The following RHOJ variants were observed in gnomAD, a reference collection of about 807,000 sequenced individuals.
The protein encoded by RHOJ is rho-related GTP-binding protein RhoJ.
Under a neutral mutation model 23.4 loss-of-function variants are expected in RHOJ, and 11 were observed. The observed-to-expected ratio is 0.47, with a 90% confidence interval of 0.30 to 0.78. RHOJ has a LOEUF of 0.78. Ranked by LOEUF, RHOJ falls within the 30% of genes least tolerant of loss-of-function variation. The probability of loss-of-function intolerance (pLI) is 0.08; values close to 1 mark genes in which losing one functional copy is unlikely to be tolerated. For missense variants in RHOJ, 254 were observed against 273.4 expected (o/e 0.93, Z 0.50); for synonymous variants, 102 against 102.7 (o/e 0.99, Z 0.04).
intron 1 of RHOJ, among the ~76,000 whole-genome samples, chr14:63,228,432 G>C (rs1290533243): frequency 6.6e-6 from 1 of 152,128 alleles, no homozygotes; most frequent in African/African-American, 2.4e-5. Flanking sequence ...CAAACAACTG[G>C]AAATAATCCA....
chr14:63,215,298 A>G (rs1244561242), intron 1 of RHOJ, among the ~76,000 whole-genome samples: 1 of 152,186 alleles, frequency 6.6e-6, no homozygotes, highest in Non-Finnish European at 1.5e-5. Flanking sequence ...TTATCTGGAC[A>G]GCCAGTTTAC....
chr14:63,236,615 C>T lies in RHOJ; in HGVS notation c.178+31568C>T, dbSNP rs866742860. Among the ~76,000 whole-genome samples, 22 of 152,270 alleles carry T rather than the reference C, an allele frequency of 1.4e-4. No individual in the cohort carries two copies. The South Asian group carries it at 2.1e-3, about 14-fold the overall frequency. ...CTCCCACTGGGTCCCTCCCACAACA[C>T]GTGGAAATTCAAAATGAGATTTAGG... On this transcript the variant is annotated intron_variant, in intron 1 of 4. Transcript: ENST00000316754.
intron 1 of RHOJ, among the ~76,000 whole-genome samples, chr14:63,250,500 A>G (rs1437353283): frequency 6.6e-6 from 1 of 152,050 alleles, no homozygotes; most frequent in Non-Finnish European, 1.5e-5. Flanking sequence ...TGGCCTCCCC[A>G]AAGTGCTGGG....
chr14:63,262,831 G>T (rs1372483836), intron 1 of RHOJ, among the ~76,000 whole-genome samples: 2 of 152,170 alleles, frequency 1.3e-5, no homozygotes. Flanking sequence ...TGCCCTCAAG[G>T]ATCTTCCTGT....
intron 2 of RHOJ, among the ~76,000 whole-genome samples, chr14:63,272,026 G>A (rs1265370577): frequency 6.6e-6 from 1 of 152,202 alleles, no homozygotes. Context: ...AGAATCTCAA[G>A]GTCTATCCCC....
At chr14:63,237,272 G>A (rs539502473) in intron 1 of RHOJ, among the ~76,000 whole-genome samples, 2 of 151,962 alleles carry the variant, frequency 1.3e-5, no homozygotes, top group African/African-American at 4.8e-5. Flanking sequence ...GCTTGGACCC[G>A]TATGAAATAA....
Position 63,290,884 on chromosome 14 carries a change from G to A in RHOJ, c.505G>A (p.Ala169Thr). The change falls in exon 5 of 5, where the codon GCA becomes ACA. Residue 169 changes from alanine to threonine, a missense_variant. Transcript: ENST00000316754. ...HGVKLAKAIG[A>T]QCYLECSALT... ...TCTCTCTTTTGTGTTTAAGATCGGA[G>A]CACAGTGCTACTTGGAATGTTCAGC... The A allele has an allele frequency of 6.2e-7, 1 of 1,611,628 alleles. No homozygotes were observed. Among genetic ancestry groups the A allele is most frequent in the Non-Finnish European group, 8.5e-7 (1 of 1,179,036 alleles).
intron 1 of RHOJ, among the ~76,000 whole-genome samples, chr14:63,263,933 G>C (rs1196150806): frequency 2.0e-5 from 3 of 151,528 alleles, no homozygotes; most frequent in Admixed American, 6.6e-5. Context: ...GGTAGCTCTT[G>C]GCCATCCTCA....
At chr14:63,222,595 A>G (rs531920514) in intron 1 of RHOJ, among the ~76,000 whole-genome samples, 2 of 152,124 alleles carry the variant, frequency 1.3e-5, no homozygotes, top group Non-Finnish European at 2.9e-5. Flanking sequence ...GCATTTTTTC[A>G]TGTGTCTGTT....
At chr14:63,232,870 T>C (rs1368657896) in intron 1 of RHOJ, among the ~76,000 whole-genome samples, 1 of 151,942 alleles carries the variant, frequency 6.6e-6, no homozygotes, top group African/African-American at 2.4e-5. Flanking sequence ...CTAATTTTTG[T>C]GTTTTTGCAG....
At chr14:63,247,052 T>C (rs79853568) in intron 1 of RHOJ, among the ~76,000 whole-genome samples, 4,555 of 152,256 alleles carry the variant, frequency 0.03, 234 homozygotes, top group African/African-American at 0.1. Flanking sequence ...TCAGAACAAG[T>C]CTGGAATCAG....
chr14:63,248,514 T>TA (rs1895015067), intron 1 of RHOJ, among the ~76,000 whole-genome samples: 1 of 152,196 alleles, frequency 6.6e-6, no homozygotes, highest in African/African-American at 2.4e-5. Flanking sequence ...TTCCATATTT[T>TA]ACTATTTCGA....
chr14:63,220,150 C>A (rs1032094986), intron 1 of RHOJ, among the ~76,000 whole-genome samples: 5 of 152,022 alleles, frequency 3.3e-5, no homozygotes, highest in African/African-American at 1.2e-4. Flanking sequence ...GCAAGTCTAT[C>A]CCCAAGCAAT....
intron 1 of RHOJ, among the ~76,000 whole-genome samples, chr14:63,208,237 T>C (rs930907435): frequency 2.0e-5 from 3 of 152,172 alleles, no homozygotes; most frequent in Non-Finnish European, 4.4e-5. Context: ...ATTTTTAAAG[T>C]TCTACGAATT....
chr14:63,239,413 A>T (rs1241855593), intron 1 of RHOJ, among the ~76,000 whole-genome samples: 2 of 152,230 alleles, frequency 1.3e-5, no homozygotes, highest in Non-Finnish European at 2.9e-5. Flanking sequence ...CACCCGGCCA[A>T]CAACTCATTT....
In RHOJ at chr14:63,281,370, A is replaced by T. The variant is rs1288200370; in HGVS notation, c.402+235A>T. Among the ~76,000 whole-genome samples the T allele has an allele frequency of 4.6e-5, 7 of 152,274 alleles. No homozygotes were observed. In the East Asian group the frequency reaches 1.3e-3, roughly 29 times the overall value. ...ATATGGCCTTCAAAAATTAATCTCT[A>T]TGATTTTTTTTAAATAACAAAGTAA... is the stretch of plus-strand genomic sequence containing the variant. On this transcript the variant is annotated intron_variant, in intron 3 of 4. Transcript: ENST00000316754.
At chr14:63,275,969 G>A (rs532943876) in intron 2 of RHOJ, among the ~76,000 whole-genome samples, 2 of 152,144 alleles carry the variant, frequency 1.3e-5, no homozygotes, top group African/African-American at 4.8e-5. Context: ...TTTTATAGCT[G>A]TAGCCCAGGG....
intron 1 of RHOJ, among the ~76,000 whole-genome samples, chr14:63,267,331 A>G (rs1895386814): frequency 6.6e-6 from 1 of 152,194 alleles, no homozygotes; most frequent in South Asian, 2.1e-4. Context: ...GGGCTCCCAT[A>G]ACATAGGTCA....
At chr14:63,221,828 AT>A (rs571393319) in intron 1 of RHOJ, among the ~76,000 whole-genome samples, 127 of 150,272 alleles carry the variant, frequency 8.5e-4, no homozygotes, top group Middle Eastern at 6.9e-3. Flanking sequence ...AGAATGCAAC[AT>A]TTTTTTTTTA....
Sources: allele counts gnomAD v4.1 joint callset (sites outside exome capture counted in the v4.1 genomes callset), GRCh38; gene constraint gnomAD v4.1.1; transcripts MANE v1.5; gene names NCBI Gene and HGNC (gene_info 2026-07-23, HGNC 2026-07-21).